The following MOV10L1 variants were observed in gnomAD, a reference collection of about 807,000 sequenced individuals.
MOV10L1 encodes Mov10 like RNA helicase 1, also known as RNA helicase Mov10l1.
MOV10L1 carries 110 observed loss-of-function variants against 143.8 expected under a neutral mutation model. The observed-to-expected ratio is 0.76, with a 90% CI of 0.66 to 0.90. The LOEUF is 0.90. Ranked by LOEUF, MOV10L1 falls within the 40% of genes least tolerant of loss-of-function variation. The pLI is 0.00. For missense variants in MOV10L1, 1,406 were observed against 1,526.8 expected (o/e 0.92, Z 1.32); for synonymous variants, 593 against 581.1 (o/e 1.02, Z -0.29).
At chr22:50,142,399 C>T (rs2063014983) in intron 16 of MOV10L1, among the ~76,000 whole-genome samples, 1 of 152,024 alleles carries the variant, frequency 6.6e-6, no homozygotes. Flanking sequence ...TTGTTTTTTT[C>T]CAGGTACTCT....
chr22:50,140,356 T>C (rs2147329951), intron 15 of MOV10L1, among the ~76,000 whole-genome samples: 1 of 152,298 alleles, frequency 6.6e-6, no homozygotes, highest in East Asian at 1.9e-4. Flanking sequence ...ACGTCAGACT[T>C]GTCAAGTCAC....
chr22:50,119,361 C>T (rs1478621521), intron 9 of MOV10L1, among the ~76,000 whole-genome samples: 1 of 152,090 alleles, frequency 6.6e-6, no homozygotes, highest in African/African-American at 2.4e-5. Context: ...GCTGTCCATC[C>T]GTGGCCGCCT....
intron 2 of MOV10L1, 89 bp downstream of exon 2, chr22:50,092,274 C>A: frequency 1.7e-6 from 2 of 1,203,778 alleles, no homozygotes; most frequent in South Asian, 1.4e-5. Context: ...AGACATGACC[C>A]GGCCAAGGGA....
chr22:50,134,429 T>C lies in MOV10L1; in HGVS notation c.1970-101T>C, dbSNP rs904618749. On this transcript the variant is annotated intron_variant, in intron 14 of 26. Coordinates refer to ENST00000262794, the MANE Select transcript of MOV10L1 (RefSeq NM_018995.3). ...CAGGCAGGTTAAGAAAGGAAGGGAA[T>C]AGAATATTAATTGCTTTAGGGTCAG... is the stretch of plus-strand genomic sequence containing the variant. 85 of 870,574 alleles carry C rather than the reference T, an allele frequency of 9.8e-5. No individual in the cohort carries two copies. The African/African-American group carries it at 1.3e-3, about 14-fold the overall frequency. The allele number at this position is 870,574 out of a possible 1,614,324, so 53.9% of individuals were successfully genotyped here. A position where few individuals can be genotyped will look rare whatever the true frequency, so the allele number is the denominator to read the frequency against.
rs2063008417 is a variant in MOV10L1, at chr22:50,142,195, T to C, written c.2179+6T>C. ...TGCAGAGATGAGCGATTGGGGTATG[T>C]GCTCATGAGGGGCAAGGAGAAGAGC... On this transcript the variant is annotated splice_donor_region_variant and intron_variant, in intron 16 of 26. Transcript: ENST00000262794. The C allele has an allele frequency of 6.2e-7, 1 of 1,604,524 alleles. No homozygotes were observed. The highest frequency in any genetic ancestry group is 8.5e-7 in the Non-Finnish European group (1 of 1,175,824).
chr22:50,103,663 G>A (rs572840868), intron 3 of MOV10L1, among the ~76,000 whole-genome samples: 5 of 152,270 alleles, frequency 3.3e-5, no homozygotes, highest in African/African-American at 9.6e-5. Flanking sequence ...TTCATTCCCA[G>A]TTGAGCACTG....
chr22:50,114,781 C>T (rs529380159), intron 7 of MOV10L1, among the ~76,000 whole-genome samples, 159 bp downstream of exon 7: 14 of 152,128 alleles, frequency 9.2e-5, no homozygotes, highest in African/African-American at 4.8e-5. Flanking sequence ...CTCTTGCTGA[C>T]GACGTTAGGG....
intron 7 of MOV10L1, 51 bp from the exon 8 acceptor site, chr22:50,115,059 TGTTA>T: frequency 6.6e-7 from 1 of 1,517,698 alleles, no homozygotes. Flanking sequence ...ATGCCAGCAC[TGTTA>T]GAGATAATTT....
chr22:50,142,303 C>A, intron 16 of MOV10L1, 114 bp downstream of exon 16: 4 of 727,222 alleles, frequency 5.5e-6, no homozygotes, highest in Non-Finnish European at 8.5e-6. Flanking sequence ...GGGCGTGTGG[C>A]CTGTGACAGG....
At chr22:50,118,011 C>G (rs1223249898) in intron 9 of MOV10L1, among the ~76,000 whole-genome samples, 7 of 152,120 alleles carry the variant, frequency 4.6e-5, no homozygotes, top group African/African-American at 1.7e-4. Context: ...GCTATAATAA[C>G]TGATGGGTTT....
chr22:50,160,597 C>T, intron 24 of MOV10L1, 91 bp from the exon 25 acceptor site: 2 of 1,468,130 alleles, frequency 1.4e-6, no homozygotes, highest in African/African-American at 1.4e-5. Flanking sequence ...TGCTATTTAA[C>T]ATTTTTAAAT....
At chr22:50,090,282 G>A in intron 1 of MOV10L1, 97 bp downstream of exon 1, 1 of 1,445,094 alleles carries the variant, frequency 6.9e-7, no homozygotes, top group South Asian at 1.5e-5. Context: ...AGTGCGGGCC[G>A]GCAGGCAACG....
At position 50,099,591 on chromosome 22, in the gene MOV10L1, G is replaced by T; in HGVS notation, c.431G>T (p.Ser144Ile). Residue 144 changes from serine (S) to isoleucine (I), a missense_variant, in exon 3 of 27, where the codon AGT becomes ATT. This residue lies in a region of MOV10L1 where 1,233 missense variants were observed against 1,351.4 expected (regional missense o/e 0.91). Transcript: ENST00000262794. ...CAGACCACCTACTTCTCTCTGGAGA[G>T]TGTGTGCGAAGGTATGCTCAGGGGT... Reference protein sequence around the residue: ...ISQTTYFSLESVCEGFEPCKG... With the variant: ...ISQTTYFSLEIVCEGFEPCKG... 6.2e-7 allele frequency: 1 copy of T among 1,611,918 alleles called. No homozygotes were observed. Among genetic ancestry groups the T allele is most frequent in the Non-Finnish European group, 8.5e-7 (1 of 1,178,128 alleles).
chr22:50,105,869 A>G (rs2061853007), intron 3 of MOV10L1, among the ~76,000 whole-genome samples: 1 of 152,192 alleles, frequency 6.6e-6, no homozygotes, highest in South Asian at 2.1e-4. Flanking sequence ...TATGTATGTC[A>G]TAGAAGTTCA....
chr22:50,101,569 G>A (rs1351825357), intron 3 of MOV10L1, among the ~76,000 whole-genome samples: 3 of 136,002 alleles, frequency 2.2e-5, no homozygotes, highest in Non-Finnish European at 3.2e-5. Flanking sequence ...GCCCAGGCTC[G>A]AGTGCAGTGG....
Position 50,090,027 on chromosome 22 carries a change from C to G in MOV10L1, c.-62C>G. ...CCCCATTGGTGGCGGGCGGCGGGAG[C>G]GGCGCGGGCGCGTGCGGGCGGCGGC... is the stretch of plus-strand genomic sequence containing the variant. On this transcript the variant is annotated 5_prime_UTR_variant, in exon 1 of 27. Transcript: ENST00000262794. The G allele has an allele frequency of 1.7e-6, 2 of 1,146,106 alleles. No homozygotes were observed. Among genetic ancestry groups the G allele is most frequent in the Non-Finnish European group, 2.2e-6 (2 of 929,608 alleles). 71.0% of individuals were successfully genotyped at this position (1,146,106 alleles called of 1,614,324 possible). A position where few individuals can be genotyped will look rare whatever the true frequency, so the allele number is the denominator to read the frequency against.
chr22:50,096,920 TTG>T (rs746299807), intron 2 of MOV10L1, among the ~76,000 whole-genome samples: 102 of 152,358 alleles, frequency 6.7e-4, no homozygotes, highest in South Asian at 2.1e-3. Flanking sequence ...ATTTTATCAA[TTG>T]TCTTTTCACT....
In MOV10L1 at chr22:50,134,557, A is replaced by G. The variant is rs2062767851; in HGVS notation, c.1997A>G (p.Gln666Arg). The G allele has an allele frequency of 1.2e-6, 2 of 1,614,060 alleles. No homozygotes were observed. Among genetic ancestry groups the G allele is most frequent in the East Asian group, 2.2e-5 (1 of 44,896 alleles). Reference protein sequence around the residue: ...KVLFPEEIILQSPQVTGNWNH... With the variant: ...KVLFPEEIILRSPQVTGNWNH... ...TTGTTTCCAGAAGAAATTATTTTAC[A>G]GTCTCCACAAGTGACGGGAAATTGG... is the stretch of plus-strand genomic sequence containing the variant. Residue 666 changes from glutamine (Q) to arginine (R), a missense_variant, in exon 15 of 27, where the codon CAG becomes CGG. By Grantham distance (43) the Gln-to-Arg change is conservative. Around this residue, in one of 3 missense-constraint regions of MOV10L1, gnomAD observed 1,233 missense variants for 1,351.4 expected, o/e 0.91. Coordinates refer to ENST00000262794, the MANE Select transcript of MOV10L1 (RefSeq NM_018995.3).
rs56881561 is a variant in MOV10L1, at chr22:50,141,495, A to ATTTTT, written c.2071-574_2071-570dup. Among the ~76,000 whole-genome samples, 336 of 138,154 alleles carry ATTTTT rather than the reference A, an allele frequency of 2.4e-3. 4 individuals carry two copies. Among genetic ancestry groups the ATTTTT allele is most frequent in the Admixed American group, 0.011 (147 of 13,334 alleles). 90.6% of individuals were successfully genotyped at this position (138,154 alleles called of 152,430 possible). A position where few individuals can be genotyped will look rare whatever the true frequency, so the allele number is the denominator to read the frequency against. On this transcript the variant is annotated intron_variant, in intron 15 of 26. Transcript: ENST00000262794. ...AGGTGAGCACCACCATGCCCGGCTA[A>ATTTTT]TTTTTTTTTTTTTTTTGTATTTTTG...
Sources: gnomAD v4.1 joint callset for allele counts (sites outside exome capture counted in the v4.1 genomes callset) on GRCh38, gnomAD v4.1.1 for gene constraint, gnomAD v4.1.1 regional missense constraint, MANE v1.5 for transcripts, NCBI Gene and HGNC (gene_info 2026-07-23, HGNC 2026-07-21) for gene names.